The following DLG2 variants were observed in gnomAD, a reference collection of about 807,000 sequenced individuals.
DLG2 encodes disks large homolog 2.
A neutral mutation model predicts 132.5 loss-of-function variants in DLG2; 45 were observed. That is an observed-to-expected ratio of 0.34 (90% CI 0.27 to 0.44). The LOEUF is 0.44. Among genes scored for constraint, DLG2 ranks in the 20% least tolerant of loss-of-function variants. The pLI is 1.00. For synonymous variants in DLG2, 424 were observed against 419.6 expected (o/e 1.01, Z -0.13); for missense variants, 1,045 against 1,196.9 (o/e 0.87, Z 1.87).
intron 14 of DLG2, among the ~76,000 whole-genome samples, chr11:83,941,845 A>T (rs2082736197): frequency 6.6e-6 from 1 of 152,240 alleles, no homozygotes; most frequent in South Asian, 2.1e-4. Flanking sequence ...AAAGTTGCTC[A>T]TATTATACAT....
At chr11:84,158,570 C>A (rs1370966214) in intron 9 of DLG2, among the ~76,000 whole-genome samples, 1 of 152,112 alleles carries the variant, frequency 6.6e-6, no homozygotes, top group East Asian at 1.9e-4. Context: ...AATCTTTGAG[C>A]CTCAGTATCC....
intron 18 of DLG2, among the ~76,000 whole-genome samples, chr11:83,717,372 C>G (rs1168516743): frequency 1.3e-5 from 2 of 152,110 alleles, no homozygotes; most frequent in Non-Finnish European, 2.9e-5. Flanking sequence ...ATAAAGACTC[C>G]TAGATATTAA....
In DLG2 at chr11:84,753,692, G is replaced by A. The variant is rs12293852; in HGVS notation, c.358-218961C>T. Among the ~76,000 whole-genome samples, 265 of 152,272 alleles carry A rather than the reference G, an allele frequency of 1.7e-3. 1 individual carries two copies. Among genetic ancestry groups the A allele is most frequent in the African/African-American group, 5.9e-3 (244 of 41,550 alleles). On this transcript the variant is annotated intron_variant, in intron 6 of 27. Transcript: ENST00000376104. ...GATGGAATTTGGGAGTTATAAGAAC[G>A]TGTAACTTATTTAAATTATCTAAAG...
intron 6 of DLG2, among the ~76,000 whole-genome samples, chr11:84,939,964 T>A (rs765504905): frequency 6.6e-6 from 1 of 152,182 alleles, no homozygotes; most frequent in East Asian, 1.9e-4. Context: ...CTGGGTCATA[T>A]AGTAGTTCTG....
chr11:84,684,409 C>G (rs1000919853), intron 6 of DLG2, among the ~76,000 whole-genome samples: 1 of 152,178 alleles, frequency 6.6e-6, no homozygotes, highest in African/African-American at 2.4e-5. Flanking sequence ...AATTGAGTTT[C>G]TAAGCCTCTC....
intron 4 of DLG2, among the ~76,000 whole-genome samples, chr11:85,235,980 C>T (rs527523990): frequency 3.4e-4 from 52 of 151,572 alleles, no homozygotes; most frequent in Non-Finnish European, 5.9e-4. Context: ...AAAAACACTG[C>T]GCATATATCG....
chr11:85,508,782 A>G (rs939750699), intron 3 of DLG2, among the ~76,000 whole-genome samples: 2 of 152,088 alleles, frequency 1.3e-5, no homozygotes, highest in East Asian at 3.9e-4. Context: ...AAGTTTATAA[A>G]CAGAAAAATA....
chr11:84,452,114 A>C (rs934828282), intron 7 of DLG2, among the ~76,000 whole-genome samples: 2 of 67,948 alleles, frequency 2.9e-5, no homozygotes, highest in African/African-American at 1.1e-3. Context: ...AAGGTTAACA[A>C]AAAAAAAAAG....
At chr11:85,343,690 T>G (rs1408192657) in intron 3 of DLG2, among the ~76,000 whole-genome samples, 6 of 151,874 alleles carry the variant, frequency 4.0e-5, no homozygotes. Context: ...ATATACACAC[T>G]AGAACATATC....
At chr11:85,395,030 A>C (rs984787853) in intron 3 of DLG2, among the ~76,000 whole-genome samples, 4 of 152,200 alleles carry the variant, frequency 2.6e-5, no homozygotes, top group African/African-American at 9.6e-5. Context: ...GCAAATGCCA[A>C]AGACCATGCT....
intron 8 of DLG2, among the ~76,000 whole-genome samples, chr11:84,203,525 T>C (rs2096624234): frequency 7.5e-6 from 1 of 132,900 alleles, no homozygotes; most frequent in Non-Finnish European, 1.5e-5. Context: ...GAGCTTGCAG[T>C]GAGCCGAGAT....
chr11:85,101,723 G>C (rs1286052258), intron 6 of DLG2, among the ~76,000 whole-genome samples: 2 of 151,984 alleles, frequency 1.3e-5, no homozygotes, highest in Non-Finnish European at 2.9e-5. Flanking sequence ...TAATGCTGTA[G>C]CACACAGCTC....
At chr11:83,517,615 A>C (rs942403848) in intron 21 of DLG2, among the ~76,000 whole-genome samples, 1 of 152,086 alleles carries the variant, frequency 6.6e-6, no homozygotes, top group Admixed American at 6.6e-5. Context: ...TAGAATTTTC[A>C]GTTTTTCTGC....
intron 6 of DLG2, among the ~76,000 whole-genome samples, chr11:84,788,724 A>T (rs2073348252): frequency 6.6e-6 from 1 of 152,170 alleles, no homozygotes; most frequent in Admixed American, 6.5e-5. Flanking sequence ...GAAAGGGAAG[A>T]TTGTCATTAT....
Position 83,706,857 on chromosome 11 carries a change from G to A in DLG2, c.1826-73532C>T, listed in dbSNP as rs574632315. 3.3e-5 allele frequency among the ~76,000 whole-genome samples: 5 copies of A among 152,324 alleles called. No individual in the cohort carries two copies. The East Asian group carries it at 7.7e-4, about 24-fold the overall frequency. The stretch of plus-strand genomic sequence containing the variant: ...GGATGAAGCTGGTTGCTACAGCAAT[G>A]CCTTGAGTTAGTTTGGCAGAAAAAA... On this transcript the variant is annotated intron_variant, in intron 18 of 27. Coordinates refer to ENST00000376104, the MANE Select transcript of DLG2 (RefSeq NM_001142699.3).
intron 26 of DLG2, among the ~76,000 whole-genome samples, chr11:83,464,078 AATTATAAG>A: frequency 6.6e-6 from 1 of 152,292 alleles, no homozygotes; most frequent in East Asian, 1.9e-4. Context: ...AGATAAACAT[AATTATAAG>A]ATAGTTGAAG....
intron 8 of DLG2, among the ~76,000 whole-genome samples, chr11:84,186,260 C>T (rs2096274208): frequency 6.6e-6 from 1 of 151,948 alleles, no homozygotes; most frequent in Non-Finnish European, 1.5e-5. Context: ...AATTTTTCTA[C>T]CCATTTCCTT....
chr11:84,799,041 C>G (rs1298471336), intron 6 of DLG2, among the ~76,000 whole-genome samples: 6 of 152,192 alleles, frequency 3.9e-5, no homozygotes, highest in African/African-American at 1.2e-4. Flanking sequence ...GAGGATGGCA[C>G]AAGTACTCCC....
Position 84,502,412 on chromosome 11 carries a change from T to G in DLG2, c.519+32158A>C, listed in dbSNP as rs11234050. On this transcript the variant is annotated intron_variant, in intron 7 of 27. Transcript: ENST00000376104. ...TTTCTTTCTTTCTTTCTTTCTTTCT[T>G]TCTATACAGAGTCTCATGCTGTCAC... Among the ~76,000 whole-genome samples, 4 of 115,532 alleles carry G rather than the reference T, an allele frequency of 3.5e-5. No individual in the cohort carries two copies. The East Asian group carries it at 6.9e-4, about 20-fold the overall frequency. 75.8% of individuals were successfully genotyped at this position (115,532 alleles called of 152,430 possible). A position where few individuals can be genotyped will look rare whatever the true frequency, so the allele number is the denominator to read the frequency against.
Sources: gnomAD v4.1 joint callset for allele counts (sites outside exome capture counted in the v4.1 genomes callset) on GRCh38, gnomAD v4.1.1 for gene constraint, MANE v1.5 for transcripts, NCBI Gene and HGNC (gene_info 2026-07-23, HGNC 2026-07-21) for gene names.